NCOR2: variants seen among roughly 807,000 people sequenced by gnomAD.
The protein encoded by NCOR2 is nuclear receptor corepressor 2.
NCOR2 carries 81 observed loss-of-function variants against 262.9 expected under a neutral mutation model. That is an observed-to-expected ratio of 0.31 (90% CI 0.26 to 0.37). The LOEUF (loss-of-function observed/expected upper bound fraction) is 0.37. NCOR2 is among the 10% of genes least tolerant of loss of function. The pLI is 1.00. For synonymous variants in NCOR2, 1,659 were observed against 1,559.3 expected, an observed-to-expected ratio of 1.06 and a Z score of -1.51; for missense variants, 3,385 against 3,621.4, an observed-to-expected ratio of 0.93 and a Z score of 1.68.
intron 6 of NCOR2, among the ~76,000 whole-genome samples, chr12:124,450,286 C>T (rs186882396): frequency 9.1e-4 from 138 of 152,364 alleles, no homozygotes; most frequent in African/African-American, 3.2e-3. Flanking sequence ...ACTCCACCCC[C>T]ACTGACCAGC....
chr12:124,546,164 G>T (rs1376794801), intron 1 of NCOR2, among the ~76,000 whole-genome samples: 1 of 152,180 alleles, frequency 6.6e-6, no homozygotes, highest in Non-Finnish European at 1.5e-5. Flanking sequence ...CTGGGCACGT[G>T]GCTTAACCCT....
intron 13 of NCOR2, among the ~76,000 whole-genome samples, chr12:124,405,109 C>T (rs2136216647): frequency 6.6e-6 from 1 of 152,248 alleles, no homozygotes; most frequent in Non-Finnish European, 1.5e-5. Context: ...CCTATCCCTA[C>T]CTGCCTCCCA....
intron 5 of NCOR2, among the ~76,000 whole-genome samples, chr12:124,462,937 CA>C (rs1565965418): frequency 6.6e-6 from 1 of 152,192 alleles, no homozygotes; most frequent in Non-Finnish European, 1.5e-5. Flanking sequence ...CATTACTCAG[CA>C]ACTGGGGTTG....
chr12:124,407,759 T>G (rs1024500137), intron 13 of NCOR2, among the ~76,000 whole-genome samples: 1 of 152,234 alleles, frequency 6.6e-6, no homozygotes, highest in East Asian at 1.9e-4. Context: ...CTCAATCTCA[T>G]GCACTCATTC....
chr12:124,427,288 C>A (rs2043607017), intron 10 of NCOR2, among the ~76,000 whole-genome samples: 1 of 152,150 alleles, frequency 6.6e-6, no homozygotes, highest in African/African-American at 2.4e-5. Context: ...TTCCTGCCCC[C>A]ACACTACACG....
chr12:124,426,707 G>A (rs375303038), exon 11 of NCOR2: 1 of 1,611,744 alleles, frequency 6.2e-7, no homozygotes, highest in Non-Finnish European at 8.5e-7. Flanking sequence ...TCGGCCATAA[G>A]CCCGTTCATG....
At chr12:124,330,103 C>T (rs1342270636) in intron 44 of NCOR2, among the ~76,000 whole-genome samples, 3 of 152,328 alleles carry the variant, frequency 2.0e-5, no homozygotes, top group East Asian at 1.9e-4. Context: ...CAAACCTCTC[C>T]GACCTCCATC....
chr12:124,429,812 G>T, intron 9 of NCOR2, 106 bp from the exon 12 acceptor site: 1 of 1,103,612 alleles, frequency 9.1e-7, no homozygotes, highest in Non-Finnish European at 1.3e-6. Context: ...GAGGAGAAGT[G>T]TGGGCAGCGG....
chr12:124,346,793 A>G (rs1358897644), exon 31 of NCOR2: 1 of 1,567,674 alleles, frequency 6.4e-7, no homozygotes, highest in African/African-American at 1.4e-5. Context: ...CCGCTTTAGG[A>G]GCTTGGCCTC....
chr12:124,477,016 A>G (rs1192117800), intron 3 of NCOR2, among the ~76,000 whole-genome samples: 1 of 152,064 alleles, frequency 6.6e-6, no homozygotes, highest in Non-Finnish European at 1.5e-5. Flanking sequence ...AGAGTGTACA[A>G]TTCCACTTAC....
intron 6 of NCOR2, 123 bp downstream of exon 8, chr12:124,456,983 C>T (rs550063533): frequency 1.4e-5 from 13 of 934,342 alleles, no homozygotes; most frequent in South Asian, 4.6e-5. Flanking sequence ...CCTCCGCGGA[C>T]GCCGCCTGGG....
At chr12:124,392,362 G>A (rs1038264476) in intron 16 of NCOR2, among the ~76,000 whole-genome samples, 2 of 152,084 alleles carry the variant, frequency 1.3e-5, no homozygotes, top group Non-Finnish European at 2.9e-5. Context: ...TCACATATCC[G>A]GCCGGGAGGC....
At chr12:124,393,003 C>T (rs554540810) in intron 16 of NCOR2, among the ~76,000 whole-genome samples, 3 of 152,212 alleles carry the variant, frequency 2.0e-5, no homozygotes, top group Non-Finnish European at 4.4e-5. Flanking sequence ...AGCCCGGAGG[C>T]GGGCCAGAGC....
At position 124,541,827 on chromosome 12, in the gene NCOR2, AGGG is replaced by A. The variant is rs1193782610; in HGVS notation, c.-164-6219_-164-6217del. On this transcript the variant is annotated intron_variant, in intron 1 of 32. Coordinates refer to the NCOR2 transcript ENST00000458234. ...GGAGGGGGATGGGGAGTGGAGATGG[AGGG>A]GGATGGGGAGTGGAGATGGAGGGGG... Among the ~76,000 whole-genome samples the A allele has an allele frequency of 8.8e-4, 21 of 23,792 alleles. 1 individual carries two copies. In the South Asian group the frequency reaches 0.068, roughly 77 times the overall value. 15.6% of individuals were successfully genotyped at this position (23,792 alleles called of 152,430 possible). A position where few individuals can be genotyped will look rare whatever the true frequency, so the allele number is the denominator to read the frequency against.
In NCOR2 at chr12:124,356,377, C is replaced by T. The variant is rs79998333; in HGVS notation, c.3241+265G>A. On this transcript the variant is annotated intron_variant, in intron 23 of 46. Transcript: ENST00000405201. ...CCATTCTCTAGCTCTAAGCCGTCAA[C>T]GGAAAACATAGCTCCCACTCTAAGC... Among the ~76,000 whole-genome samples, 775 of 152,316 alleles carry T rather than the reference C, an allele frequency of 5.1e-3. 8 individuals are homozygous for T. The highest frequency in any genetic ancestry group is 0.017 in the African/African-American group (708 of 41,576).
intron 8 of NCOR2, among the ~76,000 whole-genome samples, chr12:124,431,514 A>G (rs1271172575): frequency 1.4e-5 from 2 of 145,088 alleles, no homozygotes; most frequent in African/African-American, 5.3e-5. Flanking sequence ...ACACATACAT[A>G]CAGTCAGACA....
intron 5 of NCOR2, among the ~76,000 whole-genome samples, chr12:124,463,197 G>A (rs766816300): frequency 5.9e-5 from 9 of 152,222 alleles, no homozygotes; most frequent in African/African-American, 7.2e-5. Flanking sequence ...TTCCAAGTGC[G>A]TGCCTTGTCC....
intron 11 of NCOR2, among the ~76,000 whole-genome samples, chr12:124,425,337 G>A (rs1565931083): frequency 6.6e-6 from 1 of 151,896 alleles, no homozygotes; most frequent in Non-Finnish European, 1.5e-5. Flanking sequence ...TTGTGCCATT[G>A]TACTCCAGCC....
Position 124,549,198 on chromosome 12 carries a change from G to C in NCOR2, c.-164-13587C>G, listed in dbSNP as rs1432306924. On this transcript the variant is annotated intron_variant, in intron 1 of 32. Transcript: ENST00000458234. This position sits in a 1 kb window ranked among gnomAD's most constrained non-coding sequence, Gnocchi z 4.4. ...AATGATGATGGTTGCTGGGTCACGAGATCACCGAGAGGATCAGATGAATTC... is the reference window on the plus strand; with the variant it reads ...AATGATGATGGTTGCTGGGTCACGACATCACCGAGAGGATCAGATGAATTC... 6.6e-6 allele frequency among the ~76,000 whole-genome samples: 1 copy of C among 152,114 alleles called. No homozygotes were observed. The highest frequency in any genetic ancestry group is 1.5e-5 in the Non-Finnish European group (1 of 68,026).
Sources: gnomAD v4.1 joint callset for allele counts (sites outside exome capture counted in the v4.1 genomes callset) on GRCh38, gnomAD v4.1.1 for gene constraint, Gnocchi (gnomAD v3.1) non-coding constraint, MANE v1.5 for transcripts, NCBI Gene and HGNC (gene_info 2026-07-23, HGNC 2026-07-21) for gene names.